The following PPP1R1C variants were observed in gnomAD, a reference collection of about 807,000 sequenced individuals.
PPP1R1C encodes protein phosphatase 1 regulatory subunit 1C.
Under a neutral mutation model 17.4 loss-of-function variants are expected in PPP1R1C, and 15 were observed. That is an observed-to-expected ratio of 0.86 (90% CI 0.58 to 1.33). PPP1R1C has a LOEUF of 1.33. PPP1R1C is among the 40% of genes most tolerant of loss of function. The pLI is 0.00. For synonymous variants in PPP1R1C, 35 were observed against 43.1 expected (o/e 0.81, Z 0.73); for missense variants, 143 against 130.0 (o/e 1.10, Z -0.48).
chr2:182,026,083 G>T (rs1686601035), intron 2 of PPP1R1C, among the ~76,000 whole-genome samples: 1 of 101,974 alleles, frequency 9.8e-6, no homozygotes, highest in Non-Finnish European at 1.9e-5. Flanking sequence ...AAATTTGTTT[G>T]AGTTCATTGT....
chr2:181,971,385 G>C (rs183803639), intron 1 of PPP1R1C, among the ~76,000 whole-genome samples: 1 of 152,128 alleles, frequency 6.6e-6, no homozygotes, highest in Non-Finnish European at 1.5e-5. Context: ...CTGGAATGGG[G>C]GACTCAGGAC....
At chr2:182,030,539 AG>A (rs1331637446) in intron 2 of PPP1R1C, among the ~76,000 whole-genome samples, 1 of 150,302 alleles carries the variant, frequency 6.7e-6, no homozygotes, top group Non-Finnish European at 1.5e-5. Flanking sequence ...GTCAGGGGTC[AG>A]GGACCCACTT....
chr2:182,109,338 A>T (rs78424413), intron 4 of PPP1R1C, among the ~76,000 whole-genome samples: 3 of 152,112 alleles, frequency 2.0e-5, no homozygotes, highest in African/African-American at 7.2e-5. Flanking sequence ...CAGATGTTTT[A>T]ATTTTAATGA....
At chr2:181,985,244 C>T (rs576756594), upstream of PPP1R1C, among the ~76,000 whole-genome samples, 11 of 152,140 alleles carry the variant, frequency 7.2e-5, no homozygotes, top group Non-Finnish European at 1.6e-4. This position sits in a 1 kb window ranked among gnomAD's most constrained non-coding sequence, Gnocchi z 4.1. Flanking sequence ...CTGTGAACTG[C>T]AATTTTAGAA....
At chr2:182,044,998 TTC>T (rs1383358945) in intron 2 of PPP1R1C, among the ~76,000 whole-genome samples, 1 of 152,254 alleles carries the variant, frequency 6.6e-6, no homozygotes, top group African/African-American at 2.4e-5. Flanking sequence ...TATATGTATA[TTC>T]TGTTTTCCTA....
chr2:182,011,584 T>C (rs1686089680), intron 2 of PPP1R1C, among the ~76,000 whole-genome samples: 2 of 152,064 alleles, frequency 1.3e-5, no homozygotes, highest in Admixed American at 6.5e-5. Context: ...ATTGATTTTT[T>C]ATTTACTAAT....
intron 4 of PPP1R1C, among the ~76,000 whole-genome samples, chr2:182,073,565 G>T (rs565419384): frequency 6.6e-6 from 1 of 152,126 alleles, no homozygotes; most frequent in Non-Finnish European, 1.5e-5. Flanking sequence ...AAATGAAAAA[G>T]AAAGTTATTT....
chr2:182,062,382 C>G (rs531761165), intron 3 of PPP1R1C, among the ~76,000 whole-genome samples: 59 of 152,098 alleles, frequency 3.9e-4, no homozygotes, highest in Non-Finnish European at 7.5e-4. Context: ...ATTTAATTTT[C>G]TATTTGATCT....
downstream of PPP1R1C, chr2:182,117,764 A>T (rs1689633167): frequency 6.5e-6 from 1 of 153,162 alleles, no homozygotes; most frequent in African/African-American, 2.4e-5. Flanking sequence ...TGAGATTTGC[A>T]TTGATCATAT....
chr2:182,060,374 A>G (rs1334868148), intron 2 of PPP1R1C, among the ~76,000 whole-genome samples: 1 of 152,144 alleles, frequency 6.6e-6, no homozygotes, highest in African/African-American at 2.4e-5. Context: ...GTGCATATAT[A>G]TGTATATCCA....
chr2:182,104,115 G>T (rs1218250603), intron 4 of PPP1R1C, among the ~76,000 whole-genome samples: 1 of 152,132 alleles, frequency 6.6e-6, no homozygotes, highest in Non-Finnish European at 1.5e-5. Context: ...GGTAAAATTT[G>T]AGGATCAATT....
intron 4 of PPP1R1C, chr2:182,064,070 A>C: frequency 2.5e-6 from 1 of 392,622 alleles, no homozygotes. Context: ...CGTTATTCGC[A>C]TACTTCCTTA....
In PPP1R1C at chr2:182,114,144, G is replaced by A. The variant is rs372989042; in HGVS notation, c.242-3063G>A. ...TTTTCCTGTGTGCTCATTTTGCTTCGAAGAAAAGAACCTTCAATGTGTTTT... is the reference window on the plus strand; with the variant it reads ...TTTTCCTGTGTGCTCATTTTGCTTCAAAGAAAAGAACCTTCAATGTGTTTT... On this transcript the variant is annotated intron_variant, in intron 4 of 4. Coordinates refer to ENST00000682840, the MANE Select transcript of PPP1R1C (RefSeq NM_001080545.3). Among the ~76,000 whole-genome samples, 54 of 151,806 alleles carry A rather than the reference G, an allele frequency of 3.6e-4. 1 individual carries two copies. Among genetic ancestry groups the A allele is most frequent in the African/African-American group, 1.2e-3 (49 of 41,368 alleles).
chr2:182,082,225 G>A (rs570612621), intron 4 of PPP1R1C, among the ~76,000 whole-genome samples: 1 of 152,144 alleles, frequency 6.6e-6, no homozygotes, highest in Non-Finnish European at 1.5e-5. Context: ...TAAAGCAACA[G>A]ATGAATGCAT....
At chr2:182,002,928 CCT>C (rs201444463) in intron 2 of PPP1R1C, among the ~76,000 whole-genome samples, 2,288 of 56,084 alleles carry the variant, frequency 0.041, 59 homozygotes, top group Middle Eastern at 0.093. Flanking sequence ...ATGCCATAAA[CCT>C]CCCCCCCCCC....
upstream of PPP1R1C, among the ~76,000 whole-genome samples, chr2:181,985,175 A>C (rs1685266608): frequency 6.6e-6 from 1 of 152,252 alleles, no homozygotes; most frequent in Non-Finnish European, 1.5e-5. The surrounding 1 kb of genome is among the most constrained non-coding windows in gnomAD (Gnocchi z 4.1). Context: ...TTGAAGCAGC[A>C]GTGACTTCCA....
At chr2:182,122,101 T>C (rs1336350288), downstream of PPP1R1C, among the ~76,000 whole-genome samples, 1 of 152,110 alleles carries the variant, frequency 6.6e-6, no homozygotes, top group Non-Finnish European at 1.5e-5. Context: ...CTCTTATACG[T>C]GAGGAACAGG....
chr2:182,068,477 A>C (rs1688052166), intron 4 of PPP1R1C, among the ~76,000 whole-genome samples: 1 of 152,200 alleles, frequency 6.6e-6, no homozygotes, highest in African/African-American at 2.4e-5. Context: ...AGTCGGGTTT[A>C]AGATGCCTAG....
At chr2:182,107,498 A>G (rs190323619) in intron 4 of PPP1R1C, among the ~76,000 whole-genome samples, 1 of 152,340 alleles carries the variant, frequency 6.6e-6, no homozygotes, top group East Asian at 1.9e-4. Context: ...AAAACATTGT[A>G]GAGACGGAAC....
Sources: allele counts gnomAD v4.1 joint callset (sites outside exome capture counted in the v4.1 genomes callset), GRCh38; gene constraint gnomAD v4.1.1; non-coding constraint Gnocchi (gnomAD v3.1); transcripts MANE v1.5; gene names NCBI Gene and HGNC (gene_info 2026-07-23, HGNC 2026-07-21).